The following TSPAN5 variants were observed in gnomAD, a reference collection of about 807,000 sequenced individuals.
TSPAN5 encodes tetraspanin 5.
TSPAN5 carries 10 observed loss-of-function variants against 37.1 expected under a neutral mutation model. That is an observed-to-expected ratio of 0.27 (90% CI 0.17 to 0.46). The LOEUF (loss-of-function observed/expected upper bound fraction) is 0.46, where lower values mean the gene tolerates loss of function less well. Among genes scored for constraint, TSPAN5 ranks in the 20% least tolerant of loss-of-function variants. The probability of loss-of-function intolerance (pLI) is 1.00; values close to 1 mark genes in which losing one functional copy is unlikely to be tolerated. For missense variants in TSPAN5, 195 were observed against 326.6 expected (o/e 0.60, Z 3.11); for synonymous variants, 110 against 118.9 (o/e 0.93, Z 0.48).
At chr4:98,636,164 A>T (rs1379622264) in intron 1 of TSPAN5, among the ~76,000 whole-genome samples, 2 of 152,216 alleles carry the variant, frequency 1.3e-5, no homozygotes, top group Admixed American at 1.3e-4. Context: ...AGAGTCAAGA[A>T]ATGTAAATAA....
intron 1 of TSPAN5, among the ~76,000 whole-genome samples, chr4:98,555,308 A>C (rs1754716364): frequency 6.6e-6 from 1 of 152,148 alleles, no homozygotes; most frequent in Non-Finnish European, 1.5e-5. Context: ...CTATTCCTTG[A>C]CTATATCAAG....
At chr4:98,583,658 G>A (rs1223160556) in intron 1 of TSPAN5, among the ~76,000 whole-genome samples, 6 of 152,192 alleles carry the variant, frequency 3.9e-5, no homozygotes, top group African/African-American at 1.2e-4. Flanking sequence ...CAGAAAGACC[G>A]GGACTAACTC....
rs765932142 is a variant in TSPAN5, at chr4:98,486,750, G to A, written c.267C>T (p.Phe89=). 16 of 1,613,908 alleles carry A rather than the reference G, an allele frequency of 9.9e-6. No homozygotes were observed. The East Asian group carries it at 1.1e-4, about 11-fold the overall frequency. Residue 89 remains phenylalanine, a synonymous_variant, in exon 3 of 8, where the codon TTC becomes TTT. Coordinates refer to ENST00000305798, the MANE Select transcript of TSPAN5 (RefSeq NM_005723.4). ...GCIGALRENT[F]LLKFFSVFLG... ...GTGGAATACTTACAAACTTGAGAAG[G>A]AAAGTGTTTTCCCGTAGCGCTCCAA...
intron 1 of TSPAN5, among the ~76,000 whole-genome samples, chr4:98,543,068 A>G (rs1754395102): frequency 6.6e-6 from 1 of 152,172 alleles, no homozygotes; most frequent in South Asian, 2.1e-4. Context: ...CTCCATGCAC[A>G]CAGCACGAGC....
At chr4:98,489,527 C>T (rs992933426) in intron 2 of TSPAN5, among the ~76,000 whole-genome samples, 4 of 152,178 alleles carry the variant, frequency 2.6e-5, no homozygotes, top group African/African-American at 9.7e-5. Flanking sequence ...TTGCAAACTG[C>T]ACACTCTCTG....
At chr4:98,635,032 C>G (rs1324884923) in intron 1 of TSPAN5, among the ~76,000 whole-genome samples, 1 of 152,210 alleles carries the variant, frequency 6.6e-6, no homozygotes, top group Non-Finnish European at 1.5e-5. Context: ...GGTAAGGAGG[C>G]TGCCATTTAT....
At chr4:98,528,365 T>C (rs1472494740) in intron 1 of TSPAN5, among the ~76,000 whole-genome samples, 6 of 150,424 alleles carry the variant, frequency 4.0e-5, no homozygotes, top group Admixed American at 4.0e-4. Flanking sequence ...AAGAATACTA[T>C]CAAACCAACA....
chr4:98,543,537 T>G (rs1180116221), intron 1 of TSPAN5, among the ~76,000 whole-genome samples: 1 of 151,656 alleles, frequency 6.6e-6, no homozygotes, highest in Non-Finnish European at 1.5e-5. Context: ...TGCCTCAGCC[T>G]CCCAAGTAGC....
intron 1 of TSPAN5, among the ~76,000 whole-genome samples, chr4:98,642,002 T>C (rs1174992104): frequency 6.6e-6 from 1 of 152,222 alleles, no homozygotes; most frequent in Non-Finnish European, 1.5e-5. Context: ...TTGTAAGGTC[T>C]CTTTCAACAT....
intron 1 of TSPAN5, among the ~76,000 whole-genome samples, chr4:98,637,350 C>T (rs967912831): frequency 4.6e-5 from 7 of 152,176 alleles, no homozygotes; most frequent in Admixed American, 6.5e-5. Context: ...GATACTTCCC[C>T]ATTAACATCT....
At chr4:98,613,405 C>A (rs59951580) in intron 1 of TSPAN5, among the ~76,000 whole-genome samples, 31,349 of 152,032 alleles carry the variant, frequency 0.21, 3,513 homozygotes, top group African/African-American at 0.28. Context: ...ATAAAACCTA[C>A]CCAGGATATT....
At chr4:98,494,425 T>C (rs1365003966) in intron 2 of TSPAN5, among the ~76,000 whole-genome samples, 1 of 133,398 alleles carries the variant, frequency 7.5e-6, no homozygotes, top group African/African-American at 2.8e-5. Context: ...AATTGAGGCT[T>C]AGGCAGATGA....
chr4:98,623,269 A>G (rs1419992478), intron 1 of TSPAN5, among the ~76,000 whole-genome samples: 1 of 152,220 alleles, frequency 6.6e-6, no homozygotes, highest in Non-Finnish European at 1.5e-5. Flanking sequence ...CTGGTCATGT[A>G]CTTAACAAGT....
chr4:98,517,946 GAAGT>G (rs1170811481), intron 1 of TSPAN5, among the ~76,000 whole-genome samples: 1 of 152,230 alleles, frequency 6.6e-6, no homozygotes. Context: ...AGAGGCATGA[GAAGT>G]AAGTTATCTA....
At chr4:98,656,202 A>G (rs947079999) in intron 1 of TSPAN5, among the ~76,000 whole-genome samples, 2 of 152,254 alleles carry the variant, frequency 1.3e-5, no homozygotes, top group African/African-American at 2.4e-5. Context: ...AACCTAATCC[A>G]TAGAAAGGGC....
intron 3 of TSPAN5, among the ~76,000 whole-genome samples, chr4:98,486,202 C>T (rs965214686): frequency 2.0e-5 from 3 of 152,196 alleles, no homozygotes; most frequent in East Asian, 1.9e-4. Context: ...ACAGTGATCA[C>T]GCCAACCGCA....
intron 1 of TSPAN5, among the ~76,000 whole-genome samples, chr4:98,622,075 C>T (rs937909837): frequency 6.6e-6 from 1 of 152,146 alleles, no homozygotes; most frequent in African/African-American, 2.4e-5. Context: ...TGCTATTGAA[C>T]ATTATGCACA....
chr4:98,588,376 G>A (rs914758839), intron 1 of TSPAN5, among the ~76,000 whole-genome samples: 39 of 151,704 alleles, frequency 2.6e-4, no homozygotes, highest in South Asian at 1.7e-3. Flanking sequence ...GACAGTGCTG[G>A]GTGTTAACTT....
intron 1 of TSPAN5, among the ~76,000 whole-genome samples, chr4:98,604,837 A>G (rs1560555628): frequency 6.6e-6 from 1 of 152,208 alleles, no homozygotes; most frequent in South Asian, 2.1e-4. Flanking sequence ...AGCAGGTCTC[A>G]TGCCATTTGT....
Sources: allele counts gnomAD v4.1 joint callset (sites outside exome capture counted in the v4.1 genomes callset), GRCh38; gene constraint gnomAD v4.1.1; transcripts MANE v1.5; gene names NCBI Gene and HGNC (gene_info 2026-07-23, HGNC 2026-07-21).